The following GABRA3 variants were observed in gnomAD, a reference collection of about 807,000 sequenced individuals.
GABRA3 encodes the protein gamma-aminobutyric acid type A receptor subunit alpha3.
A neutral mutation model predicts 30.1 loss-of-function variants in GABRA3; 10 were observed. That is an observed-to-expected ratio of 0.33 (90% confidence interval 0.20 to 0.56). The LOEUF (loss-of-function observed/expected upper bound fraction) is 0.56. Ranked by LOEUF, GABRA3 falls within the 20% of genes least tolerant of loss-of-function variation. The pLI, the probability that GABRA3 is intolerant of heterozygous loss-of-function variation, is 0.89. For missense variants in GABRA3, 233 were observed against 392.0 expected, an observed-to-expected ratio of 0.59 and a Z score of 3.42; for synonymous variants, 151 against 146.8, an observed-to-expected ratio of 1.03 and a Z score of -0.21.
chrX:152,324,619 A>T (rs1176128601), intron 3 of GABRA3, among the ~76,000 whole-genome samples: 1 of 111,935 alleles, frequency 8.9e-6, no homozygotes, highest in Non-Finnish European at 1.9e-5. Flanking sequence ...TATAGTCTCT[A>T]ATGGCTAATA....
At chrX:152,212,634 C>T (rs1439638859) in intron 6 of GABRA3, among the ~76,000 whole-genome samples, 1 of 111,116 alleles carries the variant, frequency 9.0e-6, no homozygotes, top group Non-Finnish European at 1.9e-5. Context: ...GTGTCAGTGA[C>T]CCATAGGCAT....
chrX:152,348,142 C>G (rs146014539), intron 2 of GABRA3, among the ~76,000 whole-genome samples: 209 of 111,750 alleles, frequency 1.9e-3, no homozygotes, highest in African/African-American at 6.3e-3. Context: ...CAGATTTAAT[C>G]TGCGACCTAA....
At chrX:152,441,753 T>C (rs753577210) in intron 1 of GABRA3, among the ~76,000 whole-genome samples, 1 of 110,423 alleles carries the variant, frequency 9.1e-6, no homozygotes, top group African/African-American at 3.4e-5. Context: ...TGTGTATAAA[T>C]GATATTTAAA....
chrX:152,295,088 G>A (rs1053208908), intron 3 of GABRA3, among the ~76,000 whole-genome samples: 5 of 111,774 alleles, frequency 4.5e-5, no homozygotes, highest in South Asian at 3.8e-4. Context: ...AGGGTTACCC[G>A]CCTGTAATGA....
At chrX:152,391,329 C>T (rs913967809) in intron 1 of GABRA3, among the ~76,000 whole-genome samples, 30 of 111,720 alleles carry the variant, frequency 2.7e-4, no homozygotes, top group Non-Finnish European at 4.5e-4. Flanking sequence ...ATTCCTTACG[C>T]GTGCTCAGTC....
Position 152,228,377 on chromosome X carries a change from T to C in GABRA3, c.552-3532A>G, listed in dbSNP as rs72614781. On this transcript the variant is annotated intron_variant, in intron 5 of 9. Coordinates refer to ENST00000370314, the MANE Select transcript of GABRA3 (RefSeq NM_000808.4). Reference sequence around the variant, plus strand: ...AGCAAGAAGTGGATGGGAAGAAAGATAGAAAAGTTATTATAAATCAGTTTT... The same window carrying C: ...AGCAAGAAGTGGATGGGAAGAAAGACAGAAAAGTTATTATAAATCAGTTTT... Among the ~76,000 whole-genome samples, 2,117 of 111,655 alleles carry C rather than the reference T, an allele frequency of 0.019. 172 individuals carry two copies. In the East Asian group the frequency reaches 0.33, roughly 17 times the overall value.
chrX:152,224,647 C>T (rs996228490), intron 6 of GABRA3, 116 bp downstream of exon 6: 1 of 480,522 alleles, frequency 2.1e-6, no homozygotes, highest in Admixed American at 3.6e-5. Context: ...CTGATACCAG[C>T]CCGGATTAAA....
chrX:152,235,467 A>G (rs1938181058), intron 5 of GABRA3, among the ~76,000 whole-genome samples: 1 of 111,430 alleles, frequency 9.0e-6, no homozygotes, highest in African/African-American at 3.3e-5. Flanking sequence ...ATATCACATG[A>G]TTACATATAT....
intron 1 of GABRA3, among the ~76,000 whole-genome samples, chrX:152,376,503 G>T (rs989640984): frequency 1.8e-5 from 2 of 110,784 alleles, no homozygotes; most frequent in African/African-American, 6.6e-5. Flanking sequence ...CTGACCTCAT[G>T]AACTTTTTTC....
chrX:152,402,663 T>TA (rs1308518899), intron 1 of GABRA3, among the ~76,000 whole-genome samples: 3 of 111,329 alleles, frequency 2.7e-5, no homozygotes, highest in African/African-American at 9.8e-5. Flanking sequence ...TTCAGGATAA[T>TA]AAAGATATAC....
At chrX:152,361,430 G>T (rs1928498370) in intron 2 of GABRA3, among the ~76,000 whole-genome samples, 2 of 108,820 alleles carry the variant, frequency 1.8e-5, no homozygotes, top group African/African-American at 3.4e-5. Flanking sequence ...AAAATTAGCT[G>T]GGCGTGGTGG....
chrX:152,297,818 C>A (rs1422439168), intron 3 of GABRA3, among the ~76,000 whole-genome samples: 1 of 112,323 alleles, frequency 8.9e-6, no homozygotes, highest in Non-Finnish European at 1.9e-5. Context: ...ATAAAACATT[C>A]GAGAGCAGAC....
At chrX:152,266,216 G>A (rs1296585217) in intron 4 of GABRA3, among the ~76,000 whole-genome samples, 1 of 111,780 alleles carries the variant, frequency 8.9e-6, no homozygotes, top group African/African-American at 3.2e-5. Flanking sequence ...GATGAATATT[G>A]AGGCAAAGAT....
intron 1 of GABRA3, among the ~76,000 whole-genome samples, chrX:152,432,414 A>T: frequency 9.0e-6 from 1 of 111,651 alleles, no homozygotes; most frequent in African/African-American, 3.3e-5. Flanking sequence ...CAAAAAGCAA[A>T]CTTTAAAAAA....
At chrX:152,364,317 T>C in intron 2 of GABRA3, 114 bp downstream of exon 2, 2 of 655,229 alleles carry the variant, frequency 3.1e-6, no homozygotes. Flanking sequence ...ATGTAATGTA[T>C]AAGTATCAGA....
intron 1 of GABRA3, among the ~76,000 whole-genome samples, chrX:152,440,403 C>T (rs754314607): frequency 2.7e-4 from 30 of 112,359 alleles, no homozygotes; most frequent in Non-Finnish European, 4.5e-4. Context: ...GAAATAGGAA[C>T]GCTTTACACT....
chrX:152,332,084 A>C (rs1416832319), intron 3 of GABRA3, among the ~76,000 whole-genome samples: 1 of 111,739 alleles, frequency 8.9e-6, no homozygotes, highest in Non-Finnish European at 1.9e-5. Context: ...AGAAATCAAA[A>C]CAGCCCATCA....
intron 2 of GABRA3, among the ~76,000 whole-genome samples, chrX:152,361,190 A>G (rs1382983371): frequency 1.8e-5 from 2 of 109,820 alleles, no homozygotes; most frequent in African/African-American, 6.6e-5. Context: ...TTTTTCAGGT[A>G]GGATTTCTTG....
chrX:152,279,962 G>T (rs190710735), intron 4 of GABRA3, among the ~76,000 whole-genome samples: 2 of 111,431 alleles, frequency 1.8e-5, no homozygotes, highest in African/African-American at 6.5e-5. Flanking sequence ...CATTGATTTT[G>T]TATCCTGAGA....
Sources: allele counts gnomAD v4.1 joint callset (sites outside exome capture counted in the v4.1 genomes callset), GRCh38; gene constraint gnomAD v4.1.1; transcripts MANE v1.5; gene names NCBI Gene and HGNC (gene_info 2026-07-23, HGNC 2026-07-21).